The following MAGI2 variants were observed in gnomAD, a reference collection of about 807,000 sequenced individuals.
MAGI2 encodes the protein membrane associated guanylate kinase, WW and PDZ domain containing 2, also known as membrane-associated guanylate kinase, WW and PDZ domain-containing protein 2.
MAGI2 carries 35 observed loss-of-function variants against 133.3 expected under a neutral mutation model. The ratio of observed to expected loss-of-function variants is 0.26; its 90% CI spans 0.20 to 0.35. The LOEUF (loss-of-function observed/expected upper bound fraction) is 0.35. Ranked by LOEUF, MAGI2 falls within the 10% of genes least tolerant of loss-of-function variation. The probability of loss-of-function intolerance (pLI) is 1.00; values close to 1 mark genes in which losing one functional copy is unlikely to be tolerated. For missense variants in MAGI2, 1,636 were observed against 1,863.4 expected, an observed-to-expected ratio of 0.88 and a Z score of 2.25; for synonymous variants, 729 against 710.6, an observed-to-expected ratio of 1.03 and a Z score of -0.41.
intron 21 of MAGI2, among the ~76,000 whole-genome samples, chr7:78,020,982 C>CA (rs1304832026): frequency 6.6e-6 from 1 of 151,942 alleles, no homozygotes; most frequent in Non-Finnish European, 1.5e-5. Context: ...TACCTACTTC[C>CA]AAAAAGGATT....
In MAGI2 at chr7:78,019,584, C is replaced by T; in HGVS notation, c.4099G>A (p.Glu1367Lys). 1.0e-6 allele frequency: 1 copy of T among 980,690 alleles called. No homozygotes were observed. The highest frequency in any genetic ancestry group is 4.5e-5 in the South Asian group (1 of 22,032). The allele number at this position is 980,690 out of a possible 1,614,324, so 60.7% of individuals were successfully genotyped here. ...GAGCCCGCCGCCGCACGGGGCGCCT[C>T]CTTCCCGCCCGCCCGCGCCGCGTCC... ...AADAARAGGK[E>K]APRAAAGSEL... Residue 1367 changes from glutamate to lysine, a missense_variant, in exon 22 of 22, where the codon GAG (glutamate) becomes AAG (lysine). Transcript: ENST00000354212.
intron 1 of MAGI2, among the ~76,000 whole-genome samples, chr7:79,013,174 G>A (rs1358059526): frequency 1.3e-5 from 2 of 151,278 alleles, no homozygotes; most frequent in African/African-American, 4.9e-5. Flanking sequence ...GATTTCTTTT[G>A]GTAACAAGAC....
intron 4 of MAGI2, 151 bp downstream of exon 4, chr7:78,521,279 T>G (rs1796477905): frequency 2.1e-6 from 1 of 465,734 alleles, no homozygotes; most frequent in Non-Finnish European, 3.8e-6. Flanking sequence ...TTATAATAAT[T>G]ACACGTGAAC....
chr7:78,935,359 T>C (rs1414313391), intron 2 of MAGI2, among the ~76,000 whole-genome samples: 1 of 152,148 alleles, frequency 6.6e-6, no homozygotes, highest in Non-Finnish European at 1.5e-5. Flanking sequence ...TTAGATTCAG[T>C]GATGGCAGAT....
chr7:78,396,400 A>C (rs1333871384), intron 6 of MAGI2, among the ~76,000 whole-genome samples: 2 of 152,056 alleles, frequency 1.3e-5, no homozygotes, highest in Non-Finnish European at 2.9e-5. Flanking sequence ...GTGTTCTCTG[A>C]ATGTGTCAAG....
chr7:78,701,612 C>T (rs1162131805), intron 2 of MAGI2, among the ~76,000 whole-genome samples: 1 of 151,888 alleles, frequency 6.6e-6, no homozygotes, highest in African/African-American at 2.4e-5. Flanking sequence ...TAATAGGAAT[C>T]AAAACAAGCT....
chr7:78,804,418 TTAA>T (rs1788333836), intron 2 of MAGI2, among the ~76,000 whole-genome samples: 1 of 151,432 alleles, frequency 6.6e-6, no homozygotes, highest in East Asian at 1.9e-4. Context: ...AACTGGAATA[TTAA>T]TAAACAAAAT....
At chr7:78,639,978 G>A (rs1810107040) in intron 2 of MAGI2, among the ~76,000 whole-genome samples, 1 of 152,192 alleles carries the variant, frequency 6.6e-6, no homozygotes, top group African/African-American at 2.4e-5. Flanking sequence ...GGGGGTGCAG[G>A]AGGCAGACAG....
At chr7:79,248,681 G>C (rs536631484) in intron 1 of MAGI2, among the ~76,000 whole-genome samples, 1 of 151,722 alleles carries the variant, frequency 6.6e-6, no homozygotes, top group Admixed American at 6.6e-5. Flanking sequence ...CCTCTGACCA[G>C]AATAGAGTAA....
chr7:78,493,916 G>C (rs1447258680), intron 5 of MAGI2, among the ~76,000 whole-genome samples: 1 of 152,058 alleles, frequency 6.6e-6, no homozygotes, highest in African/African-American at 2.4e-5. Context: ...AATACCACTG[G>C]AAAGTTTTCT....
intron 2 of MAGI2, among the ~76,000 whole-genome samples, chr7:78,767,778 G>C (rs896428459): frequency 6.6e-6 from 1 of 152,106 alleles, no homozygotes; most frequent in Admixed American, 6.5e-5. Flanking sequence ...GGCATCTTAC[G>C]AATAACTAAT....
chr7:78,891,603 T>C (rs1796753835), intron 2 of MAGI2, among the ~76,000 whole-genome samples: 1 of 152,194 alleles, frequency 6.6e-6, no homozygotes, highest in Non-Finnish European at 1.5e-5. Context: ...TAATGCATCA[T>C]GTAAACAGAA....
chr7:79,237,424 T>C (rs554561258), intron 1 of MAGI2, among the ~76,000 whole-genome samples: 1 of 152,024 alleles, frequency 6.6e-6, no homozygotes, highest in East Asian at 1.9e-4. Flanking sequence ...ACCCGGGAGG[T>C]GGAGCTTGCA....
chr7:78,555,615 T>A (rs998719990), intron 3 of MAGI2, among the ~76,000 whole-genome samples: 1 of 152,192 alleles, frequency 6.6e-6, no homozygotes, highest in Non-Finnish European at 1.5e-5. Context: ...TGTCTGCACT[T>A]GGGAACTGAG....
chr7:79,354,658 C>T (rs1841904009), intron 1 of MAGI2, among the ~76,000 whole-genome samples: 1 of 152,168 alleles, frequency 6.6e-6, no homozygotes, highest in Non-Finnish European at 1.5e-5. Flanking sequence ...CCCAAAGAAA[C>T]TCCCTCCAAA....
intron 2 of MAGI2, among the ~76,000 whole-genome samples, chr7:78,979,812 G>A (rs1328270078): frequency 6.6e-6 from 1 of 151,872 alleles, no homozygotes; most frequent in Non-Finnish European, 1.5e-5. Context: ...AACGGAAAAT[G>A]TTAAAAATTA....
intron 9 of MAGI2, among the ~76,000 whole-genome samples, chr7:78,322,262 A>G (rs974623804): frequency 4.6e-5 from 7 of 152,166 alleles, no homozygotes; most frequent in African/African-American, 7.2e-5. Flanking sequence ...CATCATGGGT[A>G]TACACCCAAA....
At chr7:78,689,266 A>C (rs1392314974) in intron 2 of MAGI2, among the ~76,000 whole-genome samples, 1 of 152,180 alleles carries the variant, frequency 6.6e-6, no homozygotes, top group African/African-American at 2.4e-5. Context: ...TTATAACCAC[A>C]GTACAACACC....
At chr7:78,314,834 G>A (rs958559787) in intron 9 of MAGI2, among the ~76,000 whole-genome samples, 12 of 152,126 alleles carry the variant, frequency 7.9e-5, no homozygotes, top group African/African-American at 2.9e-4. Flanking sequence ...CCATACCTTT[G>A]TTGGCACTTG....
Sources: gnomAD v4.1 joint callset for allele counts (sites outside exome capture counted in the v4.1 genomes callset) on GRCh38, gnomAD v4.1.1 for gene constraint, MANE v1.5 for transcripts, NCBI Gene and HGNC (gene_info 2026-07-23, HGNC 2026-07-21) for gene names.